PARD3B: variants seen among roughly 807,000 people sequenced by gnomAD.
The protein encoded by PARD3B is par-3 family cell polarity regulator beta.
PARD3B carries 103 observed loss-of-function variants against 130.2 expected under a neutral mutation model. That is an observed-to-expected ratio of 0.79 (90% CI 0.67 to 0.93). The LOEUF is 0.93. Among genes scored for constraint, PARD3B ranks in the 40% least tolerant of loss-of-function variants. The probability of loss-of-function intolerance (pLI) is 0.00; values close to 1 mark genes in which losing one functional copy is unlikely to be tolerated. For missense variants in PARD3B, 1,609 were observed against 1,499.2 expected, an observed-to-expected ratio of 1.07 and a Z score of -1.21; for synonymous variants, 583 against 553.2, an observed-to-expected ratio of 1.05 and a Z score of -0.76.
At chr2:205,054,434 A>T (rs77893001) in intron 4 of PARD3B, among the ~76,000 whole-genome samples, 6,910 of 28,428 alleles carry the variant, frequency 0.24, 537 homozygotes, top group East Asian at 0.34. Flanking sequence ...ATATATATAT[A>T]TATTTTTTTT....
At chr2:205,539,816 G>T (rs2052042156) in intron 21 of PARD3B, among the ~76,000 whole-genome samples, 1 of 152,036 alleles carries the variant, frequency 6.6e-6, no homozygotes, top group South Asian at 2.1e-4. Flanking sequence ...ATCTCCACTA[G>T]GTGGACTTCA....
chr2:204,865,473 T>C (rs1433000272), intron 2 of PARD3B, among the ~76,000 whole-genome samples: 1 of 152,188 alleles, frequency 6.6e-6, no homozygotes, highest in Admixed American at 6.5e-5. Context: ...AATGAAATAA[T>C]GGCATTCACA....
chr2:205,217,885 TA>T (rs1559553032), intron 15 of PARD3B, among the ~76,000 whole-genome samples: 52 of 100,082 alleles, frequency 5.2e-4, no homozygotes, highest in East Asian at 9.8e-4. Context: ...TATATATATA[TA>T]TATATATATT....
chr2:205,610,252 G>A (rs1160319412), intron 22 of PARD3B, among the ~76,000 whole-genome samples: 2 of 152,140 alleles, frequency 1.3e-5, no homozygotes, highest in African/African-American at 4.8e-5. Context: ...CTTGACCTCG[G>A]GTTCGTGTTC....
intron 2 of PARD3B, among the ~76,000 whole-genome samples, chr2:204,770,944 T>G (rs1272768782): frequency 1.3e-5 from 2 of 152,100 alleles, no homozygotes; most frequent in Non-Finnish European, 2.9e-5. Context: ...ACAAATAACT[T>G]GCAGATTGTC....
intron 2 of PARD3B, among the ~76,000 whole-genome samples, chr2:204,861,227 T>A (rs1368083219): frequency 6.7e-6 from 1 of 149,164 alleles, no homozygotes; most frequent in Non-Finnish European, 1.5e-5. Context: ...ACCTCTTATT[T>A]GATATTGTGT....
At chr2:204,838,914 C>T (rs1575108187) in intron 2 of PARD3B, among the ~76,000 whole-genome samples, 1 of 152,146 alleles carries the variant, frequency 6.6e-6, no homozygotes, top group Non-Finnish European at 1.5e-5. Context: ...CCTAACCTGG[C>T]TCCCTGAGTA....
At chr2:205,488,997 GCA>G (rs1312031096) in intron 20 of PARD3B, among the ~76,000 whole-genome samples, 75 of 152,264 alleles carry the variant, frequency 4.9e-4, no homozygotes, top group Non-Finnish European at 4.7e-4. Context: ...CACAATGGAT[GCA>G]CAGTTGCAAA....
intron 18 of PARD3B, among the ~76,000 whole-genome samples, chr2:205,340,214 A>G (rs556959470): frequency 6.6e-6 from 1 of 152,214 alleles, no homozygotes; most frequent in Admixed American, 6.5e-5. Flanking sequence ...GATCTTATAC[A>G]GTATTATTCT....
At position 205,172,516 on chromosome 2, in the gene PARD3B, G is replaced by T. The variant is rs954732087; in HGVS notation, c.1791+135G>T. The T allele has an allele frequency of 3.4e-6, 3 of 887,282 alleles. No individual in the cohort carries two copies. The African/African-American group carries it at 5.1e-5, about 15-fold the overall frequency. The allele number at this position is 887,282 out of a possible 1,614,324, so 55.0% of individuals were successfully genotyped here. On this transcript the variant is annotated intron_variant, in intron 12 of 22. Transcript: ENST00000406610. ...GAAGGGCTTTGATGGGAAACAGGTG[G>T]TTGTGTATTTTAGGTATAATAGAAA... is the stretch of plus-strand genomic sequence containing the variant.
At chr2:204,774,230 T>C (rs550571242) in intron 2 of PARD3B, among the ~76,000 whole-genome samples, 1 of 152,148 alleles carries the variant, frequency 6.6e-6, no homozygotes, top group African/African-American at 2.4e-5. Context: ...TTATTAGCAC[T>C]TAATACTTCC....
chr2:205,317,978 A>G (rs1412998419), intron 18 of PARD3B, among the ~76,000 whole-genome samples: 1 of 152,178 alleles, frequency 6.6e-6, no homozygotes, highest in Non-Finnish European at 1.5e-5. Context: ...CCACTTGCCA[A>G]CAAAAGAATT....
At chr2:205,328,679 T>A (rs2043014585) in intron 18 of PARD3B, among the ~76,000 whole-genome samples, 1 of 152,320 alleles carries the variant, frequency 6.6e-6, no homozygotes, top group Admixed American at 6.5e-5. Flanking sequence ...AACCTATTTT[T>A]AAAAAATTAA....
rs1449699434 is a variant in PARD3B at position 205,091,953 on chromosome 2, C to G, written c.505-12473C>G. 6.6e-6 allele frequency among the ~76,000 whole-genome samples: 1 copy of G among 152,042 alleles called. No homozygotes were observed. Among genetic ancestry groups the G allele is most frequent in the Non-Finnish European group, 1.5e-5 (1 of 68,002 alleles). ...CCTGTTTTGCTATGGGTTTGCTAGC[C>G]CTGTTATTTCTCATTTGATGATATA... On this transcript the variant is annotated intron_variant, in intron 4 of 22. Transcript: ENST00000406610. The surrounding 1 kb of genome is among the most constrained non-coding windows in gnomAD (Gnocchi z 4.2).
At chr2:204,714,879 A>G (rs1056400621) in intron 2 of PARD3B, among the ~76,000 whole-genome samples, 1 of 152,182 alleles carries the variant, frequency 6.6e-6, no homozygotes, top group Non-Finnish European at 1.5e-5. Context: ...GAGGTGCTAT[A>G]ATTTTCATTT....
chr2:204,950,957 G>A (rs1011977381), intron 2 of PARD3B, among the ~76,000 whole-genome samples: 3 of 152,148 alleles, frequency 2.0e-5, no homozygotes, highest in Non-Finnish European at 4.4e-5. Context: ...GGGACTATAA[G>A]GTGTATAAAA....
rs1559265602 is a variant in PARD3B, at chr2:205,607,837, CACACA to C, written c.3261-7618_3261-7614del. Among the ~76,000 whole-genome samples the C allele has an allele frequency of 6.0e-3, 567 of 94,446 alleles. 8 individuals are homozygous for C. Among genetic ancestry groups the C allele is most frequent in the African/African-American group, 0.016 (533 of 32,536 alleles). The allele number at this position is 94,446 out of a possible 152,430, so 62.0% of individuals were successfully genotyped here. ...CCCTCTCCCCCAACACCCATACACA[CACACA>C]CACACACACACACACACACACACAC... On this transcript the variant is annotated intron_variant, in intron 22 of 22. Coordinates refer to ENST00000406610, the MANE Select transcript of PARD3B (RefSeq NM_001302769.2).
chr2:205,392,602 A>T (rs2045896721), intron 18 of PARD3B, among the ~76,000 whole-genome samples: 1 of 152,210 alleles, frequency 6.6e-6, no homozygotes, highest in African/African-American at 2.4e-5. Flanking sequence ...CCCAGTTAGG[A>T]TTAATTAGGA....
intron 21 of PARD3B, among the ~76,000 whole-genome samples, chr2:205,542,091 T>A (rs1326578014): frequency 8.0e-6 from 1 of 124,306 alleles, no homozygotes. Flanking sequence ...TGCAGTAAGC[T>A]GAGATCACGC....
Sources: allele counts gnomAD v4.1 joint callset (sites outside exome capture counted in the v4.1 genomes callset), GRCh38; gene constraint gnomAD v4.1.1; non-coding constraint Gnocchi (gnomAD v3.1); transcripts MANE v1.5; gene names NCBI Gene and HGNC (gene_info 2026-07-23, HGNC 2026-07-21).